The following TBC1D32 variants were observed in gnomAD, a reference collection of about 807,000 sequenced individuals.
TBC1D32 encodes TBC1 domain family member 32, also known as protein broad-minded.
A neutral mutation model predicts 170.3 loss-of-function variants in TBC1D32; 151 were observed. That is an observed-to-expected ratio of 0.89 (90% confidence interval 0.78 to 1.01). TBC1D32 has a LOEUF of 1.01. Among genes scored for constraint, TBC1D32 ranks in the 50% least tolerant of loss-of-function variants. TBC1D32 has a pLI of 0.00. For synonymous variants in TBC1D32, 498 were observed against 488.0 expected (o/e 1.02, Z -0.27); for missense variants, 1,464 against 1,457.1 (o/e 1.00, Z -0.08).
At chr6:121,264,687 T>A (rs1160708329) in intron 15 of TBC1D32, among the ~76,000 whole-genome samples, 1 of 151,998 alleles carries the variant, frequency 6.6e-6, no homozygotes, top group African/African-American at 2.4e-5. Flanking sequence ...ACAAACCAAA[T>A]CCAGCAGCAC....
At chr6:121,266,525 G>A (rs534662562) in intron 15 of TBC1D32, among the ~76,000 whole-genome samples, 34 of 152,128 alleles carry the variant, frequency 2.2e-4, no homozygotes, top group East Asian at 1.9e-3. Context: ...GGATCTAGAC[G>A]CAGAAATATC....
chr6:121,332,878 AT>A (rs1218437817), intron 1 of TBC1D32, among the ~76,000 whole-genome samples: 9 of 152,220 alleles, frequency 5.9e-5, no homozygotes, highest in Admixed American at 5.9e-4. Flanking sequence ...CAAGAAAATC[AT>A]GGAAATACAA....
intron 2 of TBC1D32, among the ~76,000 whole-genome samples, chr6:121,321,298 G>A (rs188191604): frequency 1.4e-4 from 21 of 152,254 alleles, no homozygotes; most frequent in South Asian, 6.2e-4. Context: ...AAATCCCTCC[G>A]GGAGGGACTT....
intron 1 of TBC1D32, among the ~76,000 whole-genome samples, chr6:121,324,966 T>C (rs1034486503): frequency 6.6e-6 from 1 of 152,150 alleles, no homozygotes; most frequent in African/African-American, 2.4e-5. Flanking sequence ...TCCCAGTACT[T>C]TGGGAGGCCG....
At chr6:121,265,463 A>G (rs1800343303) in intron 15 of TBC1D32, among the ~76,000 whole-genome samples, 2 of 152,146 alleles carry the variant, frequency 1.3e-5, no homozygotes, top group Non-Finnish European at 2.9e-5. Flanking sequence ...AAGAATCAAC[A>G]TTGTGAAAAT....
At chr6:121,135,443 T>C (rs1193156645) in intron 24 of TBC1D32, among the ~76,000 whole-genome samples, 1 of 152,182 alleles carries the variant, frequency 6.6e-6, no homozygotes, top group Non-Finnish European at 1.5e-5. Context: ...TTTCAGACAT[T>C]AGCCAATGGG....
intron 22 of TBC1D32, chr6:121,170,636 C>G: frequency 1.4e-6 from 1 of 690,962 alleles, no homozygotes. Context: ...CTAAATCTAA[C>G]AGAAAGTATC....
chr6:121,201,540 T>C (rs1352473993), intron 22 of TBC1D32, among the ~76,000 whole-genome samples: 1 of 151,396 alleles, frequency 6.6e-6, no homozygotes, highest in African/African-American at 2.5e-5. Context: ...TACACAATGT[T>C]TTCTCTTTAC....
chr6:121,170,344 G>C (rs1786795891), intron 22 of TBC1D32: 7 of 1,446,788 alleles, frequency 4.8e-6, no homozygotes, highest in Non-Finnish European at 6.4e-6. Context: ...AAAAATTACT[G>C]TCTTAACAAA....
chr6:121,229,113 T>C (rs1795408326), intron 20 of TBC1D32, among the ~76,000 whole-genome samples: 1 of 152,080 alleles, frequency 6.6e-6, no homozygotes, highest in African/African-American at 2.4e-5. Context: ...ATCTTTAAAG[T>C]GAACTTCTTC....
chr6:121,233,778 T>TAC (rs1796025250), intron 20 of TBC1D32, among the ~76,000 whole-genome samples: 1 of 152,150 alleles, frequency 6.6e-6, no homozygotes, highest in Non-Finnish European at 1.5e-5. Flanking sequence ...CCTTGGTTTT[T>TAC]TTGTCATTGT....
intron 1 of TBC1D32, among the ~76,000 whole-genome samples, chr6:121,331,358 A>C (rs1385721213): frequency 6.9e-6 from 1 of 144,890 alleles, no homozygotes; most frequent in African/African-American, 2.5e-5. Flanking sequence ...ACCAGCACCC[A>C]CTACCATGCC....
chr6:121,125,660 G>GTCCCTGCACTGAAAAGACAGC (rs1780756111), intron 26 of TBC1D32, among the ~76,000 whole-genome samples: 1 of 152,118 alleles, frequency 6.6e-6, no homozygotes, highest in African/African-American at 2.4e-5. Flanking sequence ...CTCCTAGCAG[G>GTCCCTGCACTGAAAAGACAGC]TCCCTGCACT....
chr6:121,148,249 T>C (rs1037283590), intron 24 of TBC1D32, among the ~76,000 whole-genome samples: 20 of 152,132 alleles, frequency 1.3e-4, no homozygotes, highest in African/African-American at 4.6e-4. Context: ...GGTTTCCTGT[T>C]CCTGTGTTAG....
intron 22 of TBC1D32, among the ~76,000 whole-genome samples, chr6:121,185,168 G>A (rs1399158838): frequency 6.6e-6 from 1 of 151,822 alleles, no homozygotes; most frequent in Non-Finnish European, 1.5e-5. Context: ...GAGTAGATAT[G>A]CTACTTCAAA....
intron 26 of TBC1D32, 122 bp downstream of exon 26, chr6:121,126,255 TG>T: frequency 1.5e-6 from 1 of 653,746 alleles, no homozygotes; most frequent in Non-Finnish European, 2.6e-6. Context: ...GGAATGTATA[TG>T]GCACCAAGTA....
At chr6:121,288,789 A>T (rs1804322687) in intron 12 of TBC1D32, among the ~76,000 whole-genome samples, 1 of 151,812 alleles carries the variant, frequency 6.6e-6, no homozygotes, top group Non-Finnish European at 1.5e-5. Context: ...GCAGCACATC[A>T]AAAAGCTTAT....
chr6:121,089,162 A>C (rs1318289735), intron 31 of TBC1D32, among the ~76,000 whole-genome samples: 1 of 152,170 alleles, frequency 6.6e-6, no homozygotes, highest in Non-Finnish European at 1.5e-5. Context: ...TTACTTACAC[A>C]ATCAACAAAT....
intron 3 of TBC1D32, among the ~76,000 whole-genome samples, chr6:121,311,554 CCT>C (rs1224159305): frequency 6.6e-6 from 1 of 151,902 alleles, no homozygotes; most frequent in Non-Finnish European, 1.5e-5. Flanking sequence ...ATGGTGAAAC[CCT>C]GTCTCTACTA....
Sources: allele counts gnomAD v4.1 joint callset (sites outside exome capture counted in the v4.1 genomes callset), GRCh38; gene constraint gnomAD v4.1.1; transcripts MANE v1.5; gene names NCBI Gene and HGNC (gene_info 2026-07-23, HGNC 2026-07-21).